The following ADIPOR2 variants were observed in gnomAD, a reference collection of about 807,000 sequenced individuals.
The protein encoded by ADIPOR2 is adiponectin receptor protein 2.
ADIPOR2 carries 18 observed loss-of-function variants against 40.9 expected under a neutral mutation model. The observed-to-expected ratio is 0.44, with a 90% confidence interval of 0.30 to 0.65. The LOEUF (loss-of-function observed/expected upper bound fraction) is 0.65, where lower values mean the gene tolerates loss of function less well. Among genes scored for constraint, ADIPOR2 ranks in the 30% least tolerant of loss-of-function variants. ADIPOR2 has a pLI of 0.09. For missense variants in ADIPOR2, 283 were observed against 479.2 expected, an observed-to-expected ratio of 0.59 and a Z score of 3.82; for synonymous variants, 165 against 166.4, an observed-to-expected ratio of 0.99 and a Z score of 0.06.
chr12:1,779,761 A>G (rs1238374717), intron 4 of ADIPOR2, among the ~76,000 whole-genome samples: 1 of 152,208 alleles, frequency 6.6e-6, no homozygotes, highest in Non-Finnish European at 1.5e-5. Flanking sequence ...ATTCAAGGGT[A>G]ATTTTTAATT....
At chr12:1,733,302 A>G (rs1254752443) in intron 1 of ADIPOR2, among the ~76,000 whole-genome samples, 4 of 152,168 alleles carry the variant, frequency 2.6e-5, no homozygotes, top group African/African-American at 9.7e-5. Context: ...TTATCTTACT[A>G]TGGTACAATC....
chr12:1,716,772 C>G (rs986343659), intron 1 of ADIPOR2, among the ~76,000 whole-genome samples: 12 of 152,102 alleles, frequency 7.9e-5, no homozygotes, highest in African/African-American at 2.9e-4. Flanking sequence ...TCTTTAAAAC[C>G]TTAGCAATTT....
intron 1 of ADIPOR2, among the ~76,000 whole-genome samples, chr12:1,747,645 G>T (rs1385811862): frequency 1.3e-5 from 2 of 151,902 alleles, no homozygotes; most frequent in African/African-American, 4.8e-5. Context: ...AATCTGAGAA[G>T]GTCTGTTTCG....
At chr12:1,708,225 A>T (rs2094667798) in intron 1 of ADIPOR2, among the ~76,000 whole-genome samples, 2 of 150,594 alleles carry the variant, frequency 1.3e-5, no homozygotes, top group Admixed American at 1.3e-4. Flanking sequence ...AGCATCCTCG[A>T]ATTTTGGTGT....
chr12:1,708,908 T>C (rs185557739), intron 1 of ADIPOR2, among the ~76,000 whole-genome samples: 63 of 152,078 alleles, frequency 4.1e-4, no homozygotes, highest in Admixed American at 1.4e-3. Flanking sequence ...TTAGTAGAGA[T>C]GGGGTTTCAC....
intron 1 of ADIPOR2, among the ~76,000 whole-genome samples, chr12:1,716,019 A>G (rs995825067): frequency 1.3e-5 from 2 of 152,090 alleles, no homozygotes; most frequent in African/African-American, 2.4e-5. Flanking sequence ...CTTCACAGTA[A>G]ATCTTGCTGC....
At chr12:1,735,623 C>G (rs2094728784) in intron 1 of ADIPOR2, among the ~76,000 whole-genome samples, 3 of 152,168 alleles carry the variant, frequency 2.0e-5, no homozygotes, top group African/African-American at 7.2e-5. Flanking sequence ...CCAGAACTTC[C>G]AACACTATGT....
intron 1 of ADIPOR2, among the ~76,000 whole-genome samples, chr12:1,736,606 A>G (rs900402625): frequency 4.6e-5 from 7 of 152,072 alleles, no homozygotes; most frequent in African/African-American, 7.2e-5. Flanking sequence ...TTGTGTCTCT[A>G]TCCCCTTCAG....
chr12:1,698,612 A>G (rs2094644126), intron 1 of ADIPOR2, among the ~76,000 whole-genome samples: 1 of 152,198 alleles, frequency 6.6e-6, no homozygotes, highest in African/African-American at 2.4e-5. Context: ...GTGTAGTATT[A>G]TTAAATGGAT....
chr12:1,785,992 GT>G lies in ADIPOR2; in HGVS notation c.1083del (p.His362ThrfsTer14). 6.2e-7 allele frequency: 1 copy of G among 1,614,064 alleles called. No individual in the cohort carries two copies. The highest frequency in any genetic ancestry group is 8.5e-7 in the Non-Finnish European group (1 of 1,180,002). On this transcript the variant is annotated frameshift_variant, in exon 8 of 8. Coordinates refer to ENST00000357103, the MANE Select transcript of ADIPOR2 (RefSeq NM_024551.3). LOFTEE classifies it high-confidence loss of function. The stretch of plus-strand genomic sequence containing the variant: ...TATCTTTGTGGTTGCTGGAGCTTTT[GT>G]TCACTTCCATGGTGTCTCAAACCTC... ...FHIFVVAGAF[V>X]HFHGVSNLQE... is the part of the protein sequence containing the mutation.
intron 1 of ADIPOR2, among the ~76,000 whole-genome samples, chr12:1,702,459 G>A (rs2094652368): frequency 1.3e-5 from 2 of 152,076 alleles, no homozygotes; most frequent in Non-Finnish European, 2.9e-5. Context: ...ATGATTAATG[G>A]CATTGTCAGA....
intron 1 of ADIPOR2, among the ~76,000 whole-genome samples, chr12:1,725,576 A>C (rs2094706265): frequency 6.6e-6 from 1 of 152,270 alleles, no homozygotes; most frequent in Admixed American, 6.5e-5. Context: ...AAAGGAAACT[A>C]TAAAGTCGCA....
chr12:1,752,570 A>G (rs1445644032), intron 1 of ADIPOR2, among the ~76,000 whole-genome samples: 1 of 152,190 alleles, frequency 6.6e-6, no homozygotes, highest in Non-Finnish European at 1.5e-5. Flanking sequence ...AGTGGAAAGC[A>G]CATGAACTTC....
chr12:1,739,712 A>C lies in ADIPOR2; in HGVS notation c.-86-14546A>C, dbSNP rs765438989. Among the ~76,000 whole-genome samples the C allele has an allele frequency of 6.6e-5, 10 of 152,320 alleles. No individual in the cohort carries two copies. The South Asian group carries it at 1.0e-3, about 16-fold the overall frequency. On this transcript the variant is annotated intron_variant, in intron 1 of 7. Coordinates refer to ENST00000357103, the MANE Select transcript of ADIPOR2 (RefSeq NM_024551.3). ...TATAATCTGGCCTTTTATTATAGAA[A>C]AAGTTTGTTGAGCCTTCTTTAGAGT...
intron 1 of ADIPOR2, among the ~76,000 whole-genome samples, chr12:1,729,267 T>G (rs1217905637): frequency 6.6e-6 from 1 of 152,112 alleles, no homozygotes; most frequent in East Asian, 1.9e-4. Context: ...TGTATTTTTT[T>G]GTGTTACTTA....
chr12:1,759,053 T>C (rs974782431), intron 2 of ADIPOR2, among the ~76,000 whole-genome samples: 2 of 151,010 alleles, frequency 1.3e-5, no homozygotes, highest in East Asian at 3.9e-4. Flanking sequence ...ATTGACTTAA[T>C]GTTTCTGAAT....
In ADIPOR2 at chr12:1,721,573, A is replaced by G. The variant is rs576796171; in HGVS notation, c.-87+30382A>G. On this transcript the variant is annotated intron_variant, in intron 1 of 7. Transcript: ENST00000357103. ...TGTCTCAAATTTTCAGGGTTCACAG[A>G]GTAAAGAAGACAGATAATGTCTCTA... Among the ~76,000 whole-genome samples the G allele has an allele frequency of 3.3e-5, 5 of 152,356 alleles. No homozygotes were observed. In the East Asian group the frequency reaches 9.6e-4, roughly 29 times the overall value.
intron 1 of ADIPOR2, among the ~76,000 whole-genome samples, chr12:1,716,137 C>A (rs1421272620): frequency 6.6e-6 from 1 of 152,176 alleles, no homozygotes; most frequent in Non-Finnish European, 1.5e-5. Context: ...TGGAAGGAAC[C>A]AACTCCGCAC....
At position 1,766,131 on chromosome 12, in the gene ADIPOR2, G is replaced by A. The variant is rs543264319; in HGVS notation, c.172-6711G>A. Among the ~76,000 whole-genome samples the A allele has an allele frequency of 2.0e-5, 3 of 152,314 alleles. No individual in the cohort carries two copies. In the East Asian group the frequency reaches 5.8e-4, roughly 29 times the overall value. The stretch of plus-strand genomic sequence containing the variant: ...TCAGTACATTTGTGGTGAGTGCTGT[G>A]TGGTTTTATGCACAGATTACTATGG... On this transcript the variant is annotated intron_variant, in intron 2 of 7. Transcript: ENST00000357103.
Sources: gnomAD v4.1 joint callset for allele counts (sites outside exome capture counted in the v4.1 genomes callset) on GRCh38, gnomAD v4.1.1 for gene constraint, MANE v1.5 for transcripts, NCBI Gene and HGNC (gene_info 2026-07-23, HGNC 2026-07-21) for gene names.